The following PTGDR2 variants were observed in gnomAD, a reference collection of about 807,000 sequenced individuals.
PTGDR2 encodes the protein prostaglandin D2 receptor 2.
For synonymous variants in PTGDR2, 276 were observed against 278.4 expected (o/e 0.99, Z 0.09); for missense variants, 544 against 576.6 (o/e 0.94, Z 0.58).
At position 60,853,195 on chromosome 11, in the gene PTGDR2, C is replaced by A. The variant is rs1168753532; in HGVS notation, c.528G>T (p.Leu176=). Residue 176 remains leucine, a synonymous_variant, in exon 2 of 2, where the codon CTG becomes CTT. Coordinates refer to ENST00000332539, the MANE Select transcript of PTGDR2 (RefSeq NM_004778.3). ...TGTAGTAGCACATAATGCGCCCGTCCAGCCGCGAGATGGTGTCCCGGAACA... is the reference window on the plus strand; with the variant it reads ...TGTAGTAGCACATAATGCGCCCGTCAAGCCGCGAGATGGTGTCCCGGAACA... ...YFVFRDTISR[L]DGRIMCYYNV... is the part of the protein sequence containing the mutation. The A allele has an allele frequency of 3.7e-6, 6 of 1,611,564 alleles. No homozygotes were observed. The highest frequency in any genetic ancestry group is 4.2e-6 in the Non-Finnish European group (5 of 1,179,914).
rs982152770 is a variant in PTGDR2, at chr11:60,851,828, CAT to C, written c.*705_*706del. On this transcript the variant is annotated 3_prime_UTR_variant, in exon 2 of 2. Coordinates refer to ENST00000332539, the MANE Select transcript of PTGDR2 (RefSeq NM_004778.3). ...AGAATGTCCTCGCTCACCAGAGAGT[CAT>C]TGAGCATGTGATGCCTAGGGTTAGA... is the stretch of plus-strand genomic sequence containing the variant. 3.3e-5 allele frequency: 5 copies of C among 152,224 alleles called. No individual in the cohort carries two copies. The highest frequency in any genetic ancestry group is 5.9e-5 in the Non-Finnish European group (4 of 68,058). 9.4% of individuals were successfully genotyped at this position (152,224 alleles called of 1,614,324 possible). A position where few individuals can be genotyped will look rare whatever the true frequency, so the allele number is the denominator to read the frequency against.
chr11:60,852,876 A>G lies in PTGDR2; in HGVS notation c.847T>C (p.Trp283Arg). ...HANPGLRPLV[W>R]RGLPFVTSLA... ...CTGGTGACGAAGGGCAGCCCGCGCC[A>G]CACGAGCGGCCGCAGCCCCGGGTTT... The change falls in exon 2 of 2, where the codon TGG (tryptophan) becomes CGG (arginine). Residue 283 changes from tryptophan to arginine, a missense_variant. Transcript: ENST00000332539. The G allele has an allele frequency of 1.3e-6, 2 of 1,540,486 alleles. No homozygotes were observed. Among genetic ancestry groups the G allele is most frequent in the Non-Finnish European group, 1.8e-6 (2 of 1,142,632 alleles).
chr11:60,851,480 G>A lies in PTGDR2; in HGVS notation c.*1055C>T, dbSNP rs781484441. 8 of 152,186 alleles carry A rather than the reference G, an allele frequency of 5.3e-5. No homozygotes were observed. Among genetic ancestry groups the A allele is most frequent in the Non-Finnish European group, 1.0e-4 (7 of 68,054 alleles). 9.4% of individuals were successfully genotyped at this position (152,186 alleles called of 1,614,324 possible). On this transcript the variant is annotated 3_prime_UTR_variant, in exon 2 of 2. Coordinates refer to ENST00000332539, the MANE Select transcript of PTGDR2 (RefSeq NM_004778.3). The stretch of plus-strand genomic sequence containing the variant: ...CCCTCCCATCCGCAAAAGGGAAATG[G>A]TAGCTGCCCAGCCCCATGTGGCCTG...
intron 1 of PTGDR2, among the ~76,000 whole-genome samples, chr11:60,854,992 G>A (rs1211053472): frequency 6.6e-6 from 1 of 152,204 alleles, no homozygotes; most frequent in African/African-American, 2.4e-5. Context: ...TGTTGGCCAG[G>A]ATGAGAAAAC....
At chr11:60,855,380 C>CA (rs1293509497) in intron 1 of PTGDR2, among the ~76,000 whole-genome samples, 1 of 151,958 alleles carries the variant, frequency 6.6e-6, no homozygotes, top group East Asian at 1.9e-4. Context: ...CACAGTCCTG[C>CA]CACACCCTTG....
Position 60,853,069 on chromosome 11 carries a change from C to T in PTGDR2, c.654G>A (p.Pro218=), listed in dbSNP as rs375573442. The T allele has an allele frequency of 6.3e-7, 1 of 1,587,938 alleles. No individual in the cohort carries two copies. Among genetic ancestry groups the T allele is most frequent in the Non-Finnish European group, 8.5e-7 (1 of 1,172,180 alleles). ...CGTGGCTCGAGGCGATGATCGCCAG[C>T]GGCACCAGGAAGGCCAGCAGGAACT... The part of the protein sequence containing the change: ...VSKFLLAFLV[P]LAIIASSHAA... The change falls in exon 2 of 2, where the codon CCG becomes CCA. Residue 218 remains proline (P), a synonymous_variant. Coordinates refer to ENST00000332539, the MANE Select transcript of PTGDR2 (RefSeq NM_004778.3).
rs1355518289 is a variant in PTGDR2, at chr11:60,852,943, C to T, written c.780G>A (p.Gly260=). 2 of 1,461,728 alleles carry T rather than the reference C, an allele frequency of 1.4e-6. No homozygotes were observed. The highest frequency in any genetic ancestry group is 2.1e-4 in the Middle Eastern group (1 of 4,834). The allele number at this position is 1,461,728 out of a possible 1,614,324, so 90.5% of individuals were successfully genotyped here. A position where few individuals can be genotyped will look rare whatever the true frequency, so the allele number is the denominator to read the frequency against. Residue 260 remains glycine (G), a synonymous_variant, in exon 2 of 2, where the codon GGG becomes GGA. Transcript: ENST00000332539. ...CCAGCAGGCTGAACACGTGGTAGGG[C>T]CCCCAGCAGAGCGCGAAGGCGGCCA... ...AVVAAFALCW[G]PYHVFSLLEA... is the part of the protein sequence containing the mutation.
chr11:60,855,943 G>C lies in PTGDR2; in HGVS notation c.-84C>G, dbSNP rs577534649. 1.1e-4 allele frequency: 17 copies of C among 152,614 alleles called. No homozygotes were observed. The highest frequency in any genetic ancestry group is 4.1e-4 in the African/African-American group (17 of 41,578). 9.5% of individuals were successfully genotyped at this position (152,614 alleles called of 1,614,324 possible). A position where few individuals can be genotyped will look rare whatever the true frequency, so the allele number is the denominator to read the frequency against. On this transcript the variant is annotated 5_prime_UTR_variant, in exon 1 of 2. Transcript: ENST00000332539. The stretch of plus-strand genomic sequence containing the variant: ...TGACAGCAGCTAGACAAGAGGCAGC[G>C]GGCAGACAGAGGTGGGAGAGGGAGG...
At chr11:60,854,397 C>T (rs1855328998) in intron 1 of PTGDR2, among the ~76,000 whole-genome samples, 1 of 152,226 alleles carries the variant, frequency 6.6e-6, no homozygotes, top group Admixed American at 6.5e-5. Context: ...GGAGGAGGAA[C>T]TCCCACATGG....
chr11:60,853,760 T>C (rs1565098636), intron 1 of PTGDR2, 29 bp from the exon 2 acceptor site: 1 of 1,495,196 alleles, frequency 6.7e-7, no homozygotes, highest in East Asian at 2.5e-5. Flanking sequence ...GGCGCCTAAG[T>C]TGGAAGTGCA....
chr11:60,854,452 G>A (rs1229413532), intron 1 of PTGDR2, among the ~76,000 whole-genome samples: 2 of 152,236 alleles, frequency 1.3e-5, no homozygotes, highest in African/African-American at 4.8e-5. Flanking sequence ...CCCTTCTCAG[G>A]AGCAGCCACA....
At chr11:60,854,705 C>CT (rs763085758) in intron 1 of PTGDR2, among the ~76,000 whole-genome samples, 68 of 152,318 alleles carry the variant, frequency 4.5e-4, no homozygotes, top group Non-Finnish European at 8.2e-4. Context: ...ACTCCAGGTA[C>CT]TATGGTAGGT....
intron 1 of PTGDR2, among the ~76,000 whole-genome samples, chr11:60,854,567 C>T (rs777981276): frequency 1.3e-5 from 2 of 152,148 alleles, no homozygotes; most frequent in East Asian, 3.8e-4. Flanking sequence ...ATTGAAAGCC[C>T]GAAAGACCAT....
chr11:60,855,307 C>A (rs1035502206), intron 1 of PTGDR2, among the ~76,000 whole-genome samples: 2 of 152,096 alleles, frequency 1.3e-5, no homozygotes, highest in Non-Finnish European at 2.9e-5. Context: ...CCGCTGTCTG[C>A]CCTGAAACAT....
In PTGDR2 at chr11:60,852,390, A is replaced by C; in HGVS notation, c.*145T>G. On this transcript the variant is annotated 3_prime_UTR_variant, in exon 2 of 2. Transcript: ENST00000332539. ...CTCACTGTTTCTGAAAAAGATTCAG[A>C]GTCTCCCGGGGCGCTTTAAAATGCA... is the stretch of plus-strand genomic sequence containing the variant. The C allele has an allele frequency of 1.7e-6, 1 of 585,190 alleles. No individual in the cohort carries two copies. Among genetic ancestry groups the C allele is most frequent in the Non-Finnish European group, 2.5e-6 (1 of 398,210 alleles). 36.2% of individuals were successfully genotyped at this position (585,190 alleles called of 1,614,324 possible).
chr11:60,852,749 C>G lies in PTGDR2; in HGVS notation c.974G>C (p.Ser325Thr), dbSNP rs751278829. 18 of 1,495,222 alleles carry G rather than the reference C, an allele frequency of 1.2e-5. No homozygotes were observed. Among genetic ancestry groups the G allele is most frequent in the Middle Eastern group, 1.9e-4 (1 of 5,306 alleles). The allele number at this position is 1,495,222 out of a possible 1,614,324, so 92.6% of individuals were successfully genotyped here. A position where few individuals can be genotyped will look rare whatever the true frequency, so the allele number is the denominator to read the frequency against. Residue 325 changes from serine to threonine, a missense_variant, in exon 2 of 2, where the codon AGC becomes ACC. Coordinates refer to ENST00000332539, the MANE Select transcript of PTGDR2 (RefSeq NM_004778.3). ...LRRSLRTVLE[S>T]VLVDDSELGG... is the part of the protein sequence containing the mutation. Reference sequence around the variant, plus strand: ...CAGCTCGCTGTCGTCCACCAGCACGCTCTCCAGCACCGTGCGCAGCGAGCG... The same window carrying G: ...CAGCTCGCTGTCGTCCACCAGCACGGTCTCCAGCACCGTGCGCAGCGAGCG...
In PTGDR2 at chr11:60,853,222, G is replaced by A. The variant is rs777347417; in HGVS notation, c.501C>T (p.Phe167=). 3.1e-6 allele frequency: 5 copies of A among 1,613,042 alleles called. No individual in the cohort carries two copies. The highest frequency in any genetic ancestry group is 3.4e-6 in the Non-Finnish European group (4 of 1,179,884). ...ALAVLNTVPY[F]VFRDTISRLD... is the part of the protein sequence containing the mutation. ...GCCGCGAGATGGTGTCCCGGAACACGAAATAGGGCACCGTGTTGAGCACCG... is the reference window on the plus strand; with the variant it reads ...GCCGCGAGATGGTGTCCCGGAACACAAAATAGGGCACCGTGTTGAGCACCG... Residue 167 remains phenylalanine (F), a synonymous_variant, in exon 2 of 2, where the codon TTC becomes TTT. Coordinates refer to ENST00000332539, the MANE Select transcript of PTGDR2 (RefSeq NM_004778.3).
rs1855293031 is a variant in PTGDR2 at position 60,852,776 on chromosome 11, C to CGCAGCTTGCGCA, written c.935_946dup (p.Leu312_Leu315dup). On this transcript the variant is annotated inframe_insertion, in exon 2 of 2. Coordinates refer to ENST00000332539, the MANE Select transcript of PTGDR2 (RefSeq NM_004778.3). ...CTCCAGCACCGTGCGCAGCGAGCGC[C>CGCAGCTTGCGCA]GCAGCTTGCGCAGCATGTCGGGGCA... 6.5e-7 allele frequency: 1 copy of CGCAGCTTGCGCA among 1,548,304 alleles called. No homozygotes were observed. Among genetic ancestry groups the CGCAGCTTGCGCA allele is most frequent in the East Asian group, 2.5e-5 (1 of 40,744 alleles).
Position 60,852,464 on chromosome 11 carries a change from G to A in PTGDR2, c.*71C>T, listed in dbSNP as rs1157065918. 2.5e-6 allele frequency: 3 copies of A among 1,205,864 alleles called. No individual in the cohort carries two copies. The highest frequency in any genetic ancestry group is 3.1e-5 in the African/African-American group (2 of 63,612). 74.7% of individuals were successfully genotyped at this position (1,205,864 alleles called of 1,614,324 possible). On this transcript the variant is annotated 3_prime_UTR_variant, in exon 2 of 2. Coordinates refer to ENST00000332539, the MANE Select transcript of PTGDR2 (RefSeq NM_004778.3). ...ACTTTGATCACTGCGGCAGGAGTCC[G>A]GATATCGAATTGAACCGCGGCACCC...
Sources: allele counts gnomAD v4.1 joint callset (sites outside exome capture counted in the v4.1 genomes callset), GRCh38; gene constraint gnomAD v4.1.1; transcripts MANE v1.5; gene names NCBI Gene and HGNC (gene_info 2026-07-23, HGNC 2026-07-21).